Variants in PARP4 observed in about 807,000 individuals in gnomAD.
PARP4 encodes protein mono-ADP-ribosyltransferase PARP4.
Under a neutral mutation model 187.7 loss-of-function variants are expected in PARP4, and 120 were observed. The ratio of observed to expected loss-of-function variants is 0.64; its 90% CI spans 0.55 to 0.74. The LOEUF is 0.74. PARP4 is among the 30% of genes least tolerant of loss of function. The pLI, the probability that PARP4 is intolerant of heterozygous loss-of-function variation, is 0.00. For missense variants in PARP4, 1,836 were observed against 2,070.5 expected (o/e 0.89, Z 2.20); for synonymous variants, 654 against 740.9 (o/e 0.88, Z 1.90).
intron 1 of PARP4, among the ~76,000 whole-genome samples, chr13:24,510,911 C>A (rs1418326383): frequency 6.6e-6 from 1 of 152,190 alleles, no homozygotes; most frequent in Admixed American, 6.5e-5. Context: ...ATCCTTTCAC[C>A]CGGCCTACTT....
At chr13:24,450,336 A>G (rs938764225) in intron 24 of PARP4, among the ~76,000 whole-genome samples, 1 of 151,762 alleles carries the variant, frequency 6.6e-6, no homozygotes, top group Non-Finnish European at 1.5e-5. Context: ...TTTTCTCTCT[A>G]CAATAATTCT....
At chr13:24,456,573 C>A in intron 20 of PARP4, 95 bp from the exon 21 acceptor site, 1 of 1,087,882 alleles carries the variant, frequency 9.2e-7, no homozygotes, top group South Asian at 2.3e-5. Context: ...CCTTGCATAG[C>A]TTACATAACT....
chr13:24,484,798 T>C, intron 11 of PARP4, 50 bp from the exon 12 acceptor site: 1 of 1,230,398 alleles, frequency 8.1e-7, no homozygotes, highest in South Asian at 1.2e-5. Flanking sequence ...TGACTGCATC[T>C]CTTCCTTGCT....
chr13:24,437,204 T>C (rs543800103), intron 30 of PARP4, among the ~76,000 whole-genome samples: 10 of 152,230 alleles, frequency 6.6e-5, no homozygotes, highest in Admixed American at 5.9e-4. Context: ...TATCCTATGC[T>C]AGGATAAATT....
chr13:24,442,388 T>C (rs1237032340), intron 29 of PARP4, among the ~76,000 whole-genome samples: 13 of 152,304 alleles, frequency 8.5e-5, no homozygotes, highest in Non-Finnish European at 1.6e-4. Flanking sequence ...TCAACTCATT[T>C]AGAAAGATCA....
At chr13:24,459,473 T>A (rs2137482380) in intron 18 of PARP4, 163 bp from the exon 19 acceptor site, 1 of 599,978 alleles carries the variant, frequency 1.7e-6, no homozygotes. Flanking sequence ...GACAGGAACT[T>A]CTAAAATACA....
chr13:24,492,699 A>C, intron 8 of PARP4, 105 bp from the exon 9 acceptor site: 1 of 898,562 alleles, frequency 1.1e-6, no homozygotes, highest in East Asian at 2.6e-5. Flanking sequence ...AAGACTATCC[A>C]TTTTCTACTG....
At chr13:24,508,821 G>C (rs1869850117) in intron 1 of PARP4, among the ~76,000 whole-genome samples, 1 of 147,866 alleles carries the variant, frequency 6.8e-6, no homozygotes. Context: ...GCCACAGACT[G>C]TATTTTTTAT....
chr13:24,480,042 A>G (rs139011445), intron 12 of PARP4, among the ~76,000 whole-genome samples: 4,669 of 149,264 alleles, frequency 0.031, 82 homozygotes, highest in African/African-American at 0.048. Flanking sequence ...AACCCACCAG[A>G]AGGAAGAAAC....
In PARP4 at chr13:24,447,171, T is replaced by C. The variant is rs765799997; in HGVS notation, c.3130A>G (p.Thr1044Ala). ...TGGCAACTCGGAGAACATAGCCTGG[T>C]CATTTGGTCTTCTATCTATTTATAA... ...SWRKQIEDQM[T>A]RLCSPSCHSV... is the part of the protein sequence containing the mutation. The change falls in exon 26 of 34, where the codon ACC (threonine) becomes GCC (alanine). Residue 1044 changes from threonine to alanine, a missense_variant. Coordinates refer to ENST00000381989, the MANE Select transcript of PARP4 (RefSeq NM_006437.4). 1.2e-6 allele frequency: 2 copies of C among 1,606,166 alleles called. No individual in the cohort carries two copies. The highest frequency in any genetic ancestry group is 1.7e-6 in the Non-Finnish European group (2 of 1,177,172).
intron 23 of PARP4, 27 bp from the exon 24 acceptor site, chr13:24,452,620 G>A (rs1323727623): frequency 6.3e-7 from 1 of 1,578,394 alleles, no homozygotes; most frequent in Non-Finnish European, 8.6e-7. Flanking sequence ...GAAAGATTAT[G>A]TTCTCCTTGT....
At chr13:24,472,175 G>GCC (rs35327760) in intron 15 of PARP4, among the ~76,000 whole-genome samples, 77,211 of 151,874 alleles carry the variant, frequency 0.51, 19,927 homozygotes, top group South Asian at 0.64. Flanking sequence ...ATAGCACTTG[G>GCC]CATGGAGTCT....
chr13:24,459,859 C>A (rs529737937), intron 18 of PARP4, 113 bp downstream of exon 18: 84 of 788,816 alleles, frequency 1.1e-4, no homozygotes, highest in Non-Finnish European at 2.6e-5. Flanking sequence ...TAACTTTATG[C>A]CTAAAAGATT....
At chr13:24,446,589 G>C in intron 27 of PARP4, 92 bp downstream of exon 27, 1 of 844,224 alleles carries the variant, frequency 1.2e-6, no homozygotes, top group South Asian at 1.5e-5. Context: ...CTGGGCCGTG[G>C]GTTGGACAAG....
chr13:24,443,624 T>C, intron 28 of PARP4, 26 bp downstream of exon 28: 1 of 1,484,626 alleles, frequency 6.7e-7, no homozygotes, highest in Non-Finnish European at 9.4e-7. Flanking sequence ...GAATGTCTAA[T>C]CATTTTTACA....
Position 24,434,989 on chromosome 13 carries a change from G to A in PARP4, c.4152C>T (p.Pro1384=). Residue 1384 remains proline, a synonymous_variant, in exon 31 of 34, where the codon CCC becomes CCT. Transcript: ENST00000381989. ...ADWIPQSASC[P]TGPPQNPPSS... ...AAGGTGGGTTCTGGGGAGGTCCTGT[G>A]GGACAAGACGCCGACTGTGGGATCC... The A allele has an allele frequency of 6.2e-7, 1 of 1,613,846 alleles. No individual in the cohort carries two copies. The highest frequency in any genetic ancestry group is 8.5e-7 in the Non-Finnish European group (1 of 1,179,940).
Position 24,477,756 on chromosome 13 carries a change from A to G in PARP4, c.1734T>C (p.Asp578=), listed in dbSNP as rs573125870. The change falls in exon 14 of 34, where the codon GAT becomes GAC. Residue 578 remains aspartate (D), a synonymous_variant. Coordinates refer to ENST00000381989, the MANE Select transcript of PARP4 (RefSeq NM_006437.4). The part of the protein sequence containing the change: ...GDQIKDFHPS[D]HTELEEYRPE... ...GTCTGTATTCCTCTAATTCAGTATG[A>G]TCACTAGGATGAAAGTCCTTTATCT... 39 of 1,591,572 alleles carry G rather than the reference A, an allele frequency of 2.5e-5. No homozygotes were observed. The highest frequency in any genetic ancestry group is 3.3e-5 in the Non-Finnish European group (38 of 1,165,804).
At position 24,422,877 on chromosome 13, in the gene PARP4, A is replaced by G. The variant is rs193188584; in HGVS notation, c.4980-1563T>C. On this transcript the variant is annotated intron_variant, in intron 33 of 33. Coordinates refer to ENST00000381989, the MANE Select transcript of PARP4 (RefSeq NM_006437.4). ...CCGCCTCAACCTCCCAAAGTGCTGG[A>G]ATTACAGCTGTGAGTCACCGTGTCT... Among the ~76,000 whole-genome samples, 176 of 152,208 alleles carry G rather than the reference A, an allele frequency of 1.2e-3. 3 individuals carry two copies. The East Asian group carries it at 0.018, about 16-fold the overall frequency.
At position 24,449,213 on chromosome 13, in the gene PARP4, C is replaced by T. The variant is rs190774961; in HGVS notation, c.3114+505G>A. Among the ~76,000 whole-genome samples, 192 of 151,940 alleles carry T rather than the reference C, an allele frequency of 1.3e-3. 1 individual carries two copies. The highest frequency in any genetic ancestry group is 3.4e-3 in the Middle Eastern group (1 of 294). ...ACCATCCTGGCTAACACAGTGAAAC[C>T]CCATCTCTACTAAAAATACAAACAA... is the stretch of plus-strand genomic sequence containing the variant. On this transcript the variant is annotated intron_variant, in intron 25 of 33. Coordinates refer to ENST00000381989, the MANE Select transcript of PARP4 (RefSeq NM_006437.4).
Sources: allele counts gnomAD v4.1 joint callset (sites outside exome capture counted in the v4.1 genomes callset), GRCh38; gene constraint gnomAD v4.1.1; transcripts MANE v1.5; gene names NCBI Gene and HGNC (gene_info 2026-07-23, HGNC 2026-07-21).